The following TMEM236 variants were observed in gnomAD, a reference collection of about 807,000 sequenced individuals.
The protein encoded by TMEM236 is family with sequence similarity 23, member A.
A neutral mutation model predicts 14.7 loss-of-function variants in TMEM236; 11 were observed. That is an observed-to-expected ratio of 0.75 (90% confidence interval 0.47 to 1.24). The LOEUF is 1.24. Among genes scored for constraint, TMEM236 ranks in the 50% most tolerant of loss-of-function variants. The probability of loss-of-function intolerance (pLI) is 0.00; values close to 1 mark genes in which losing one functional copy is unlikely to be tolerated. For missense variants in TMEM236, 464 were observed against 427.3 expected, an observed-to-expected ratio of 1.09 and a Z score of -0.76; for synonymous variants, 182 against 168.6, an observed-to-expected ratio of 1.08 and a Z score of -0.62.
intron 1 of TMEM236, among the ~76,000 whole-genome samples, chr10:17,757,540 A>C (rs1837301164): frequency 6.6e-6 from 1 of 150,780 alleles, no homozygotes; most frequent in African/African-American, 2.4e-5. Flanking sequence ...TCAAGGCTGC[A>C]GTGTGTTGAG....
intron 1 of TMEM236, among the ~76,000 whole-genome samples, chr10:17,769,123 G>T (rs1008126878): frequency 1.3e-5 from 2 of 148,810 alleles, no homozygotes; most frequent in Non-Finnish European, 3.0e-5. Flanking sequence ...TTAAAAGCAT[G>T]ACTTCATTTA....
rs967093199 is a variant in TMEM236, at chr10:17,772,161, T to A, written c.330+780T>A. On this transcript the variant is annotated intron_variant, in intron 2 of 3. Coordinates refer to ENST00000377495, the MANE Select transcript of TMEM236 (RefSeq NM_001098844.3). ...TGGCCGAGTCTCTCATATAATTTTC[T>A]GACATTAGAGAGAAAAATAAACAGG... Among the ~76,000 whole-genome samples, 28 of 152,182 alleles carry A rather than the reference T, an allele frequency of 1.8e-4. 1 individual carries two copies. Among genetic ancestry groups the A allele is most frequent in the Non-Finnish European group, 8.8e-5 (6 of 68,038 alleles).
At chr10:17,772,678 C>T (rs1837592515) in intron 2 of TMEM236, among the ~76,000 whole-genome samples, 2 of 152,074 alleles carry the variant, frequency 1.3e-5, no homozygotes, top group Non-Finnish European at 2.9e-5. Flanking sequence ...AATGGAATAC[C>T]ACAAAGCAAC....
intron 3 of TMEM236, among the ~76,000 whole-genome samples, chr10:17,781,094 A>C (rs1470031060): frequency 6.6e-6 from 1 of 152,168 alleles, no homozygotes; most frequent in Non-Finnish European, 1.5e-5. Context: ...CATTTTGACC[A>C]TGCCTAGTCC....
At chr10:17,795,665 A>G (rs1374446543) in intron 3 of TMEM236, among the ~76,000 whole-genome samples, 1 of 152,200 alleles carries the variant, frequency 6.6e-6, no homozygotes, top group Non-Finnish European at 1.5e-5. Context: ...TAAATAGCTA[A>G]TGCATGTGAG....
chr10:17,773,076 G>C (rs1295737981), intron 2 of TMEM236, among the ~76,000 whole-genome samples: 1 of 152,108 alleles, frequency 6.6e-6, no homozygotes. Flanking sequence ...TTCTACTCTT[G>C]GTCGCCATCT....
intron 1 of TMEM236, among the ~76,000 whole-genome samples, chr10:17,762,103 G>A (rs1357497196): frequency 1.3e-5 from 2 of 152,048 alleles, no homozygotes; most frequent in East Asian, 1.9e-4. Context: ...ACTGCCACTT[G>A]TATGGTGACA....
chr10:17,785,271 A>G (rs1837815740), intron 3 of TMEM236, among the ~76,000 whole-genome samples: 1 of 152,196 alleles, frequency 6.6e-6, no homozygotes, highest in African/African-American at 2.4e-5. Flanking sequence ...CACTATACAT[A>G]TGCATGAGCT....
In TMEM236 at chr10:17,776,061, C is replaced by T; in HGVS notation, c.363C>T (p.Val121=). The change falls in exon 3 of 4, where the codon GTC becomes GTT. Residue 121 remains valine (V), a synonymous_variant. Coordinates refer to ENST00000377495, the MANE Select transcript of TMEM236 (RefSeq NM_001098844.3). The stretch of plus-strand genomic sequence containing the variant: ...AGAGCATTAATGGGTCCGCTGATGT[C>T]TTACCTGATATGTTACCTGACCTGC... ...VQKSINGSAD[V]LPDMLPDLPV... is the part of the protein sequence containing the mutation. The T allele has an allele frequency of 6.2e-7, 1 of 1,613,874 alleles. No individual in the cohort carries two copies. The highest frequency in any genetic ancestry group is 1.3e-5 in the African/African-American group (1 of 75,044).
chr10:17,776,341 G>T (rs1837658654), intron 3 of TMEM236, among the ~76,000 whole-genome samples, 171 bp downstream of exon 3: 1 of 152,158 alleles, frequency 6.6e-6, no homozygotes, highest in South Asian at 2.1e-4. Context: ...AACCTACCTT[G>T]ATAGCTAGAT....
rs1838037172 is a variant in TMEM236 at position 17,797,494 on chromosome 10, T to C, written c.*990T>C. ...TTTTAGTAGAGACGAGGTTTCACCA[T>C]GTTGGCCAGGCTGGTCTCAAACTCC... On this transcript the variant is annotated 3_prime_UTR_variant, in exon 4 of 4. Coordinates refer to ENST00000377495, the MANE Select transcript of TMEM236 (RefSeq NM_001098844.3). 1 of 152,310 alleles carries C rather than the reference T, an allele frequency of 6.6e-6. No homozygotes were observed. The highest frequency in any genetic ancestry group is 2.1e-4 in the South Asian group (1 of 4,834). 9.4% of individuals were successfully genotyped at this position (152,310 alleles called of 1,614,324 possible). A position where few individuals can be genotyped will look rare whatever the true frequency, so the allele number is the denominator to read the frequency against.
intron 1 of TMEM236, among the ~76,000 whole-genome samples, chr10:17,752,975 G>A (rs911015961): frequency 7.9e-5 from 12 of 152,110 alleles, no homozygotes; most frequent in Non-Finnish European, 1.3e-4. Context: ...AGGGGTAAAA[G>A]CGCAGGTTTG....
At chr10:17,775,896 G>GT (rs1554835116) in intron 2 of TMEM236, 133 bp from the exon 3 acceptor site, 1 of 1,197,028 alleles carries the variant, frequency 8.4e-7, no homozygotes, top group Non-Finnish European at 1.2e-6. Context: ...AACCTGATGA[G>GT]TTAAAAACCA....
chr10:17,764,156 A>G (rs1837422243), intron 1 of TMEM236, among the ~76,000 whole-genome samples: 1 of 152,178 alleles, frequency 6.6e-6, no homozygotes, highest in Non-Finnish European at 1.5e-5. Context: ...GCAGAGTGTC[A>G]TCTCCCAAGT....
At chr10:17,784,860 G>A (rs1319599479) in intron 3 of TMEM236, among the ~76,000 whole-genome samples, 2 of 152,180 alleles carry the variant, frequency 1.3e-5, no homozygotes, top group Non-Finnish European at 2.9e-5. Flanking sequence ...GGGGAATGGA[G>A]ATGAAGTGGG....
chr10:17,775,129 T>C (rs1837638618), intron 2 of TMEM236, among the ~76,000 whole-genome samples: 1 of 152,144 alleles, frequency 6.6e-6, no homozygotes. Flanking sequence ...CTCTGGCGCA[T>C]TACCCTGGCT....
At chr10:17,763,929 G>A (rs951399740) in intron 1 of TMEM236, among the ~76,000 whole-genome samples, 1 of 152,012 alleles carries the variant, frequency 6.6e-6, no homozygotes, top group Admixed American at 6.6e-5. Flanking sequence ...GTAAAAAAAG[G>A]GTTGATACCT....
At chr10:17,785,713 A>C (rs931607950) in intron 3 of TMEM236, among the ~76,000 whole-genome samples, 2 of 151,990 alleles carry the variant, frequency 1.3e-5, no homozygotes, top group Non-Finnish European at 2.9e-5. Flanking sequence ...CTCAGGGGTG[A>C]CTATGAGGAA....
chr10:17,788,320 T>C (rs1837870034), intron 3 of TMEM236, among the ~76,000 whole-genome samples: 1 of 151,500 alleles, frequency 6.6e-6, no homozygotes, highest in East Asian at 1.9e-4. Context: ...AGCTGAAGAT[T>C]AGGAATTTTA....
Sources: allele counts gnomAD v4.1 joint callset (sites outside exome capture counted in the v4.1 genomes callset), GRCh38; gene constraint gnomAD v4.1.1; transcripts MANE v1.5; gene names NCBI Gene and HGNC (gene_info 2026-07-23, HGNC 2026-07-21).